The following RIT2 variants were observed in gnomAD, a reference collection of about 807,000 sequenced individuals.
The protein encoded by RIT2 is Ras like without CAAX 2.
Under a neutral mutation model 23.7 loss-of-function variants are expected in RIT2, and 24 were observed. The ratio of observed to expected loss-of-function variants is 1.01; its 90% CI spans 0.73 to 1.43. The LOEUF (loss-of-function observed/expected upper bound fraction) is 1.43. Among genes scored for constraint, RIT2 ranks in the 40% most tolerant of loss-of-function variants. The pLI is 0.00. For synonymous variants in RIT2, 107 were observed against 91.1 expected, an observed-to-expected ratio of 1.17 and a Z score of -0.99; for missense variants, 236 against 266.9, an observed-to-expected ratio of 0.88 and a Z score of 0.81.
intron 4 of RIT2, among the ~76,000 whole-genome samples, chr18:42,894,511 T>C (rs1319623283): frequency 6.6e-6 from 1 of 152,160 alleles, no homozygotes; most frequent in Admixed American, 6.6e-5. Flanking sequence ...TTTATAATAC[T>C]CAAAAAGTAG....
intron 3 of RIT2, among the ~76,000 whole-genome samples, chr18:42,945,097 A>AAATTACATTAATGAAAGAAATT (rs1909695910): frequency 6.6e-6 from 1 of 152,108 alleles, no homozygotes; most frequent in African/African-American, 2.4e-5. Context: ...AATTTACTTA[A>AAATTACATTAATGAAAGAAATT]AATTACATTA....
chr18:42,765,226 C>T (rs1913393100), intron 4 of RIT2, among the ~76,000 whole-genome samples: 1 of 152,110 alleles, frequency 6.6e-6, no homozygotes, highest in African/African-American at 2.4e-5. Context: ...AAATGTATGC[C>T]AATGCCTAAG....
rs542213626 is a variant in RIT2 at position 42,802,194 on chromosome 18, G to A, written c.427-58474C>T. 5.9e-5 allele frequency among the ~76,000 whole-genome samples: 9 copies of A among 152,166 alleles called. 1 individual carries two copies. Among genetic ancestry groups the A allele is most frequent in the Admixed American group, 1.3e-4 (2 of 15,278 alleles). On this transcript the variant is annotated intron_variant, in intron 4 of 4. Coordinates refer to ENST00000326695, the MANE Select transcript of RIT2 (RefSeq NM_002930.4). ...AATTAGGATTATAATTAGGATAAAC[G>A]TTAAGTCTTCTACTTGGGTGCAAAC...
intron 4 of RIT2, among the ~76,000 whole-genome samples, chr18:42,844,086 T>C (rs998067590): frequency 6.6e-6 from 1 of 152,162 alleles, no homozygotes; most frequent in Non-Finnish European, 1.5e-5. Context: ...CTCAACCCCT[T>C]GTGAGAGGGA....
At chr18:43,107,690 C>T (rs1165301607) in intron 1 of RIT2, among the ~76,000 whole-genome samples, 1 of 152,084 alleles carries the variant, frequency 6.6e-6, no homozygotes, top group Non-Finnish European at 1.5e-5. Context: ...CCCCAGGGGT[C>T]TCTGAATAGA....
chr18:42,928,641 G>T (rs1479969498), intron 3 of RIT2, among the ~76,000 whole-genome samples: 1 of 151,850 alleles, frequency 6.6e-6, no homozygotes, highest in African/African-American at 2.4e-5. Context: ...TAAAGTCTAG[G>T]TATCATGAAT....
chr18:43,039,024 T>G (rs1912060798), intron 1 of RIT2, among the ~76,000 whole-genome samples: 1 of 152,198 alleles, frequency 6.6e-6, no homozygotes, highest in African/African-American at 2.4e-5. Context: ...TTCCTACCTT[T>G]TCCTTCACTG....
At chr18:42,871,306 C>A (rs192963008) in intron 4 of RIT2, among the ~76,000 whole-genome samples, 3 of 152,244 alleles carry the variant, frequency 2.0e-5, no homozygotes, top group African/African-American at 7.2e-5. Context: ...TTAAAACATT[C>A]TGAAGAAGTC....
At chr18:42,823,952 C>A (rs895064661) in intron 4 of RIT2, among the ~76,000 whole-genome samples, 8 of 152,086 alleles carry the variant, frequency 5.3e-5, no homozygotes, top group Admixed American at 2.0e-4. Flanking sequence ...AGGAAACACT[C>A]TTTACATGTA....
chr18:42,863,038 T>G (rs1907371005), intron 4 of RIT2, among the ~76,000 whole-genome samples: 1 of 152,054 alleles, frequency 6.6e-6, no homozygotes, highest in Admixed American at 6.6e-5. Flanking sequence ...TCCTGTTTTT[T>G]TTTTTTTCCT....
At chr18:43,011,522 G>A (rs867981357) in intron 2 of RIT2, among the ~76,000 whole-genome samples, 5 of 151,754 alleles carry the variant, frequency 3.3e-5, no homozygotes, top group Middle Eastern at 3.4e-3. Context: ...GAAAAGTTTG[G>A]TACAGAAGAA....
intron 1 of RIT2, among the ~76,000 whole-genome samples, chr18:43,069,780 G>A (rs1012798405): frequency 6.6e-6 from 1 of 152,070 alleles, no homozygotes; most frequent in Non-Finnish European, 1.5e-5. Flanking sequence ...TCTTTCTGGA[G>A]TATTCTTTCA....
intron 4 of RIT2, among the ~76,000 whole-genome samples, chr18:42,901,336 C>T (rs1275459338): frequency 6.6e-6 from 1 of 151,924 alleles, no homozygotes; most frequent in Admixed American, 6.6e-5. Context: ...TTATGGAACA[C>T]TATTTTTGTT....
chr18:42,984,354 C>T (rs1910662198), intron 2 of RIT2, among the ~76,000 whole-genome samples: 1 of 152,024 alleles, frequency 6.6e-6, no homozygotes, highest in Admixed American at 6.6e-5. Flanking sequence ...ATATTATTTA[C>T]ATGACAAAAT....
chr18:42,936,039 T>G (rs1374578778), intron 3 of RIT2, among the ~76,000 whole-genome samples: 2 of 151,692 alleles, frequency 1.3e-5, no homozygotes, highest in Non-Finnish European at 2.9e-5. Flanking sequence ...GGAGCAGCTT[T>G]TGATACTTTG....
At chr18:42,932,495 C>T (rs1909351182) in intron 3 of RIT2, among the ~76,000 whole-genome samples, 2 of 152,106 alleles carry the variant, frequency 1.3e-5, no homozygotes, top group Admixed American at 1.3e-4. Context: ...TATCATGCTA[C>T]CAATCAACTT....
intron 4 of RIT2, among the ~76,000 whole-genome samples, chr18:42,820,315 C>T (rs762361766): frequency 6.6e-6 from 1 of 152,028 alleles, no homozygotes; most frequent in Non-Finnish European, 1.5e-5. Flanking sequence ...ATCATCAGGA[C>T]CCTGACCTCG....
chr18:42,810,482 T>G (rs950946877), intron 4 of RIT2, among the ~76,000 whole-genome samples: 2 of 151,800 alleles, frequency 1.3e-5, no homozygotes, highest in South Asian at 4.2e-4. Context: ...TTATACAATA[T>G]CTTCTCCTAA....
At chr18:42,808,424 C>A (rs1905745775) in intron 4 of RIT2, among the ~76,000 whole-genome samples, 1 of 152,120 alleles carries the variant, frequency 6.6e-6, no homozygotes, top group African/African-American at 2.4e-5. Context: ...ATTCCCCCAT[C>A]CTATTGTTAA....
Sources: gnomAD v4.1 joint callset for allele counts (sites outside exome capture counted in the v4.1 genomes callset) on GRCh38, gnomAD v4.1.1 for gene constraint, MANE v1.5 for transcripts, NCBI Gene and HGNC (gene_info 2026-07-23, HGNC 2026-07-21) for gene names.